MCTP1: variants seen among roughly 807,000 people sequenced by gnomAD.
The protein encoded by MCTP1 is multiple C2 and transmembrane domain-containing protein 1.
MCTP1 carries 69 observed loss-of-function variants against 120.6 expected under a neutral mutation model. The observed-to-expected ratio is 0.57, with a 90% CI of 0.47 to 0.70. The LOEUF (loss-of-function observed/expected upper bound fraction) is 0.70. MCTP1 is among the 30% of genes least tolerant of loss of function. MCTP1 has a pLI of 0.00. For missense variants in MCTP1, 1,203 were observed against 1,248.8 expected, an observed-to-expected ratio of 0.96 and a Z score of 0.55; for synonymous variants, 529 against 493.1, an observed-to-expected ratio of 1.07 and a Z score of -0.96.
chr5:95,026,884 A>G (rs1839364015), intron 1 of MCTP1, among the ~76,000 whole-genome samples: 3 of 152,194 alleles, frequency 2.0e-5, no homozygotes, highest in African/African-American at 7.2e-5. Flanking sequence ...AAATTTAGCA[A>G]TGTTGTCAAA....
intron 19 of MCTP1, among the ~76,000 whole-genome samples, chr5:94,764,400 G>T (rs7726743): frequency 6.6e-6 from 1 of 152,012 alleles, no homozygotes; most frequent in Admixed American, 6.5e-5. Context: ...TGTTTACTTC[G>T]AGTCTGTAAT....
chr5:94,985,224 T>A (rs993108487), intron 2 of MCTP1, among the ~76,000 whole-genome samples: 12 of 152,156 alleles, frequency 7.9e-5, no homozygotes, highest in Admixed American at 6.5e-4. Flanking sequence ...TGCCCCCAAG[T>A]ACTTTCTTTG....
intron 19 of MCTP1, among the ~76,000 whole-genome samples, chr5:94,770,897 A>G (rs1280338074): frequency 6.6e-6 from 1 of 152,294 alleles, no homozygotes; most frequent in East Asian, 1.9e-4. Flanking sequence ...TCACCTAATA[A>G]AGCCACAGCA....
chr5:95,039,350 T>G (rs1480989251), intron 1 of MCTP1, among the ~76,000 whole-genome samples: 1 of 152,200 alleles, frequency 6.6e-6, no homozygotes, highest in Non-Finnish European at 1.5e-5. Flanking sequence ...CATTTCTTCA[T>G]TTTTGCAGCT....
chr5:95,198,906 A>G (rs1265890927), intron 1 of MCTP1, among the ~76,000 whole-genome samples: 1 of 152,252 alleles, frequency 6.6e-6, no homozygotes, highest in East Asian at 1.9e-4. Context: ...AGGATATTCA[A>G]AGTAAAAACT....
At chr5:94,757,127 A>G (rs1196276710) in intron 19 of MCTP1, among the ~76,000 whole-genome samples, 1 of 152,206 alleles carries the variant, frequency 6.6e-6, no homozygotes, top group African/African-American at 2.4e-5. Context: ...GAGATAACGC[A>G]CATCAAGTCC....
At chr5:94,810,694 A>C (rs1783223578) in intron 17 of MCTP1, among the ~76,000 whole-genome samples, 1 of 152,140 alleles carries the variant, frequency 6.6e-6, no homozygotes, top group Non-Finnish European at 1.5e-5. Flanking sequence ...AGAGTGTTGC[A>C]TTCTGCCAAG....
intron 17 of MCTP1, among the ~76,000 whole-genome samples, chr5:94,804,975 A>C (rs10059194): frequency 0.34 from 51,063 of 152,038 alleles, 9,242 homozygotes; most frequent in Non-Finnish European, 0.41. Flanking sequence ...GATCTTTACA[A>C]AAATTCATTA....
At chr5:94,839,463 T>C (rs1298424715) in intron 17 of MCTP1, among the ~76,000 whole-genome samples, 2 of 152,124 alleles carry the variant, frequency 1.3e-5, no homozygotes, top group African/African-American at 4.8e-5. Flanking sequence ...TTGCTGAGGG[T>C]ATGCAGAGAA....
chr5:94,709,696 T>C (rs1756089221), intron 21 of MCTP1: 1 of 152,090 alleles, frequency 6.6e-6, no homozygotes, highest in African/African-American at 2.4e-5. Flanking sequence ...CCTTATATAA[T>C]GAAAGTGCTG....
At chr5:94,887,088 A>G (rs1017108571) in intron 12 of MCTP1, among the ~76,000 whole-genome samples, 4 of 152,178 alleles carry the variant, frequency 2.6e-5, no homozygotes, top group Non-Finnish European at 5.9e-5. Context: ...CTCTTGTTCA[A>G]TTCAGAGCAC....
chr5:94,758,405 C>T (rs1257547876), intron 19 of MCTP1, among the ~76,000 whole-genome samples: 4 of 152,098 alleles, frequency 2.6e-5, no homozygotes, highest in African/African-American at 9.7e-5. Context: ...ATGATTACAC[C>T]ACTGCACTCC....
intron 1 of MCTP1, among the ~76,000 whole-genome samples, chr5:95,024,384 G>A (rs191179811): frequency 1.3e-3 from 198 of 152,164 alleles, no homozygotes; most frequent in African/African-American, 4.7e-3. Flanking sequence ...ATGGATATAT[G>A]AAAAGCATTT....
intron 2 of MCTP1, among the ~76,000 whole-genome samples, chr5:94,959,119 T>G (rs1020601757): frequency 6.6e-6 from 1 of 152,024 alleles, no homozygotes; most frequent in Non-Finnish European, 1.5e-5. Flanking sequence ...GTTCAACATA[T>G]GCAAATCAAT....
intron 17 of MCTP1, among the ~76,000 whole-genome samples, chr5:94,844,675 C>A (rs1351684706): frequency 6.6e-6 from 1 of 152,162 alleles, no homozygotes; most frequent in Non-Finnish European, 1.5e-5. Flanking sequence ...AGCTCCCCAA[C>A]TGCTGGCTGT....
At chr5:94,830,402 C>A (rs1210321245) in intron 17 of MCTP1, among the ~76,000 whole-genome samples, 2 of 152,164 alleles carry the variant, frequency 1.3e-5, no homozygotes, top group East Asian at 1.9e-4. Flanking sequence ...CTTTTACTTC[C>A]AAATTTAATA....
intron 20 of MCTP1, among the ~76,000 whole-genome samples, chr5:94,712,818 C>T (rs906980117): frequency 2.0e-5 from 3 of 151,788 alleles, no homozygotes; most frequent in Non-Finnish European, 4.4e-5. Context: ...TTTCCTGTGG[C>T]TCAGCTCAGA....
rs1006235399 is a variant in MCTP1 at position 94,912,705 on chromosome 5, G to C, written c.1521+101C>G. 4 of 903,876 alleles carry C rather than the reference G, an allele frequency of 4.4e-6. No individual in the cohort carries two copies. In the African/African-American group the frequency reaches 7.0e-5, roughly 16 times the overall value. The allele number at this position is 903,876 out of a possible 1,614,324, so 56.0% of individuals were successfully genotyped here. A position where few individuals can be genotyped will look rare whatever the true frequency, so the allele number is the denominator to read the frequency against. On this transcript the variant is annotated intron_variant, in intron 9 of 22. Transcript: ENST00000515393. ...CATGGTGTTCAAAAGAGTTTGTTAA[G>C]CATTTAAAACATTATCTAGTGGTTT...
intron 1 of MCTP1, among the ~76,000 whole-genome samples, chr5:95,066,903 T>C (rs1024168372): frequency 6.6e-6 from 1 of 152,190 alleles, no homozygotes; most frequent in African/African-American, 2.4e-5. Context: ...TAATGTGCGA[T>C]CTAGATCCCT....
Sources: allele counts gnomAD v4.1 joint callset (sites outside exome capture counted in the v4.1 genomes callset), GRCh38; gene constraint gnomAD v4.1.1; transcripts MANE v1.5; gene names NCBI Gene and HGNC (gene_info 2026-07-23, HGNC 2026-07-21).